Variants in AMER1 observed in about 807,000 individuals in gnomAD.
AMER1 encodes APC membrane recruitment protein 1.
A neutral mutation model predicts 53.0 loss-of-function variants in AMER1; 16 were observed. The ratio of observed to expected loss-of-function variants is 0.30; its 90% confidence interval spans 0.20 to 0.46. The LOEUF (loss-of-function observed/expected upper bound fraction) is 0.46, where lower values mean the gene tolerates loss of function less well. Among genes scored for constraint, AMER1 ranks in the 20% least tolerant of loss-of-function variants. The probability of loss-of-function intolerance (pLI) is 1.00; values close to 1 mark genes in which losing one functional copy is unlikely to be tolerated. For missense variants in AMER1, 947 were observed against 884.9 expected (o/e 1.07, Z -0.89); for synonymous variants, 354 against 331.9 (o/e 1.07, Z -0.73).
In AMER1 at chrX:64,185,933, C is replaced by G. The variant is rs1930096222; in HGVS notation, c.*3946G>C. The G allele has an allele frequency of 2.5e-6, 1 of 393,930 alleles. No homozygotes were observed. The highest frequency in any genetic ancestry group is 4.3e-6 in the Non-Finnish European group (1 of 233,143). The allele number at this position is 393,930 out of a possible 1,213,427, so 32.5% of individuals were successfully genotyped here. On this transcript the variant is annotated 3_prime_UTR_variant, in exon 2 of 2. Transcript: ENST00000374869. Reference sequence around the variant, plus strand: ...TTGGGTGGAGAATGTTCCCAAAATGCTCCTTTGGAGAAACTCAACAAGACA... The same window carrying G: ...TTGGGTGGAGAATGTTCCCAAAATGGTCCTTTGGAGAAACTCAACAAGACA...
chrX:64,197,671 C>T (rs1930402381), intron 1 of AMER1, among the ~76,000 whole-genome samples: 1 of 112,492 alleles, frequency 8.9e-6, no homozygotes, highest in Non-Finnish European at 1.9e-5. Flanking sequence ...CCACTTCAGG[C>T]CCACCTGCCC....
At chrX:64,197,005 ATGC>A (rs1236431619) in intron 1 of AMER1, among the ~76,000 whole-genome samples, 1 of 112,503 alleles carries the variant, frequency 8.9e-6, no homozygotes. Flanking sequence ...TCAATGGGTT[ATGC>A]TGCCTTTACT....
rs182397131 is a variant in AMER1 at position 64,204,757 on chromosome X, G to A, written c.-99+813C>T. Among the ~76,000 whole-genome samples the A allele has an allele frequency of 4.7e-3, 532 of 113,224 alleles. 2 individuals are homozygous for A. Among genetic ancestry groups the A allele is most frequent in the Non-Finnish European group, 8.1e-3 (433 of 53,341 alleles). On this transcript the variant is annotated intron_variant, in intron 1 of 1. Coordinates refer to ENST00000374869, the MANE Select transcript of AMER1 (RefSeq NM_152424.4). ...AAGGAGGTGAGGCGAGGCGAGGCGGGAGACAAAGCGGCCTTGCAGCTCTAA... is the reference window on the plus strand; with the variant it reads ...AAGGAGGTGAGGCGAGGCGAGGCGGAAGACAAAGCGGCCTTGCAGCTCTAA...
At position 64,191,883 on chromosome X, in the gene AMER1, A is replaced by G. The variant is rs962046185; in HGVS notation, c.1404T>C (p.Asp468=). ...SDQQESAPNS[D]EGYYDSTTPG... ...GTGTGGTGGAGTCATAATAACCTTC[A>G]TCACTATTGGGGGCGGATTCTTGCT... is the stretch of plus-strand genomic sequence containing the variant. Residue 468 remains aspartate (D), a synonymous_variant, in exon 2 of 2, where the codon GAT becomes GAC. Transcript: ENST00000374869. The G allele has an allele frequency of 1.7e-6, 2 of 1,211,378 alleles. No homozygotes were observed. Among genetic ancestry groups the G allele is most frequent in the East Asian group, 3.0e-5 (1 of 33,793 alleles).
At chrX:64,201,577 G>C (rs1165489415) in intron 1 of AMER1, among the ~76,000 whole-genome samples, 2 of 111,449 alleles carry the variant, frequency 1.8e-5, no homozygotes, top group Non-Finnish European at 3.8e-5. Flanking sequence ...GAGTGACACA[G>C]AAAGGCTATG....
At chrX:64,198,334 A>T (rs1232943552) in intron 1 of AMER1, among the ~76,000 whole-genome samples, 2 of 110,351 alleles carry the variant, frequency 1.8e-5, no homozygotes, top group African/African-American at 6.6e-5. Context: ...TTTATAAAGC[A>T]CTCCCTACTC....
In AMER1 at chrX:64,186,273, C is replaced by T; in HGVS notation, c.*3606G>A. ...GGCCCTAGGCAGTTGAGATGCCAGC[C>T]CTCTGCACAAGCAGCAGCAATTTTT... On this transcript the variant is annotated 3_prime_UTR_variant, in exon 2 of 2. Transcript: ENST00000374869. 6.5e-6 allele frequency: 7 copies of T among 1,081,214 alleles called. No individual in the cohort carries two copies. The highest frequency in any genetic ancestry group is 8.5e-6 in the Non-Finnish European group (7 of 825,296). The allele number at this position is 1,081,214 out of a possible 1,213,427, so 89.1% of individuals were successfully genotyped here. A position where few individuals can be genotyped will look rare whatever the true frequency, so the allele number is the denominator to read the frequency against.
chrX:64,202,280 G>A (rs1266556719), intron 1 of AMER1, among the ~76,000 whole-genome samples: 3 of 111,930 alleles, frequency 2.7e-5, no homozygotes, highest in Non-Finnish European at 5.6e-5. Flanking sequence ...GACATTAAAC[G>A]AGTGAGAGGC....
In AMER1 at chrX:64,186,150, T is replaced by C; in HGVS notation, c.*3729A>G. The C allele has an allele frequency of 8.3e-7, 1 of 1,210,069 alleles. No homozygotes were observed. The highest frequency in any genetic ancestry group is 1.1e-6 in the Non-Finnish European group (1 of 894,627). The stretch of plus-strand genomic sequence containing the variant: ...TCCCACACGCCTGAGTCACTTGGCG[T>C]TTGTCTTCAGTACCTGGGCATCTTC... On this transcript the variant is annotated 3_prime_UTR_variant, in exon 2 of 2. Transcript: ENST00000374869.
chrX:64,193,422 T>C (rs1359942044), intron 1 of AMER1, 38 bp from the exon 2 acceptor site: 4 of 966,086 alleles, frequency 4.1e-6, no homozygotes, highest in African/African-American at 3.8e-5. Context: ...GAGAGACAGA[T>C]ACTAGTGAGC....
chrX:64,191,689 G>C lies in AMER1; in HGVS notation c.1598C>G (p.Ser533Cys), dbSNP rs1930248231. 8.3e-7 allele frequency: 1 copy of C among 1,212,089 alleles called. No individual in the cohort carries two copies. Among genetic ancestry groups the C allele is most frequent in the Non-Finnish European group, 1.1e-6 (1 of 895,560 alleles). Reference protein sequence around the residue: ...DCLYDLHGRSSEMFDPFLNFE... With the variant: ...DCLYDLHGRSCEMFDPFLNFE... ...GTTTAAGAAGGGGTCAAACATCTCAGAGCTTCGACCATGGAGGTCATAAAG... is the reference window on the plus strand; with the variant it reads ...GTTTAAGAAGGGGTCAAACATCTCACAGCTTCGACCATGGAGGTCATAAAG... Residue 533 changes from serine (S) to cysteine (C), a missense_variant, in exon 2 of 2, where the codon TCT becomes TGT. Transcript: ENST00000374869.
chrX:64,193,775 G>C (rs758969417), intron 1 of AMER1, among the ~76,000 whole-genome samples: 2 of 112,080 alleles, frequency 1.8e-5, no homozygotes, highest in Non-Finnish European at 3.8e-5. Context: ...AAAGGCAAAA[G>C]GGATGTTGGC....
chrX:64,198,039 G>T (rs1930411579), intron 1 of AMER1, among the ~76,000 whole-genome samples: 1 of 112,095 alleles, frequency 8.9e-6, no homozygotes, highest in South Asian at 3.7e-4. Flanking sequence ...GCTCCCTAGG[G>T]CTCTGTGGGT....
At position 64,189,809 on chromosome X, in the gene AMER1, C is replaced by G; in HGVS notation, c.*70G>C. ...TAAACAACAACCCCCACCCCCCCAC[C>G]CTTCTGCCCAACCCCTGATCCCCAT... On this transcript the variant is annotated 3_prime_UTR_variant, in exon 2 of 2. Transcript: ENST00000374869. 10 of 989,873 alleles carry G rather than the reference C, an allele frequency of 1.0e-5. No individual in the cohort carries two copies. Among genetic ancestry groups the G allele is most frequent in the South Asian group, 3.1e-5 (1 of 32,156 alleles). The allele number at this position is 989,873 out of a possible 1,213,427, so 81.6% of individuals were successfully genotyped here. A position where few individuals can be genotyped will look rare whatever the true frequency, so the allele number is the denominator to read the frequency against.
At position 64,189,467 on chromosome X, in the gene AMER1, T is replaced by G; in HGVS notation, c.*412A>C. On this transcript the variant is annotated 3_prime_UTR_variant, in exon 2 of 2. Coordinates refer to ENST00000374869, the MANE Select transcript of AMER1 (RefSeq NM_152424.4). ...ATATATGTGTGTGCATGTGTGTTTG[T>G]GTGTGTGTGTGTATGTATGTGTGTG... 6 of 715,444 alleles carry G rather than the reference T, an allele frequency of 8.4e-6. No homozygotes were observed. Among genetic ancestry groups the G allele is most frequent in the Non-Finnish European group, 9.8e-6 (6 of 613,529 alleles). The allele number at this position is 715,444 out of a possible 1,213,427, so 59.0% of individuals were successfully genotyped here.
At position 64,192,124 on chromosome X, in the gene AMER1, A is replaced by ACCTCTTCTT. The variant is rs587778022; in HGVS notation, c.1154_1162dup (p.Glu385_Glu387dup). On this transcript the variant is annotated inframe_insertion, in exon 2 of 2. Transcript: ENST00000374869. ...CTCCTCTTCTTCCTCCTCTAATTCC[A>ACCTCTTCTT]CCTCTTCTTCCTCTTCTTCCTCCTC... The ACCTCTTCTT allele has an allele frequency of 6.6e-6, 8 of 1,204,949 alleles. No homozygotes were observed. In the East Asian group the frequency reaches 2.1e-4, roughly 31 times the overall value.
Position 64,193,225 on chromosome X carries a change from C to A in AMER1, c.62G>T (p.Arg21Leu), listed in dbSNP as rs374303948. 1 of 1,211,710 alleles carries A rather than the reference C, an allele frequency of 8.3e-7. No homozygotes were observed. Among genetic ancestry groups the A allele is most frequent in the South Asian group, 1.8e-5 (1 of 56,966 alleles). ...GGCTCCTTTTTCTGCTGTTTGTTCA[C>A]GGGTACTCCCAGAGGCTGCAGCTCC... is the stretch of plus-strand genomic sequence containing the variant. ...AKGAAASGST[R>L]EQTAEKGAKN... The change falls in exon 2 of 2, where the codon CGT becomes CTT. Residue 21 changes from arginine to leucine, a missense_variant. Coordinates refer to ENST00000374869, the MANE Select transcript of AMER1 (RefSeq NM_152424.4).
Position 64,192,644 on chromosome X carries a change from G to T in AMER1, c.643C>A (p.Pro215Thr). Reference sequence around the variant, plus strand: ...GCTTGGAAGGTCTCCTCAAAGCAGGGCACCTGAGGGGCTGAGCTCACGTGC... The same window carrying T: ...GCTTGGAAGGTCTCCTCAAAGCAGGTCACCTGAGGGGCTGAGCTCACGTGC... Reference protein sequence around the residue: ...HEHVSSAPQVPCFEETFQAPR... With the variant: ...HEHVSSAPQVTCFEETFQAPR... Residue 215 changes from proline (P) to threonine (T), a missense_variant, in exon 2 of 2, where the codon CCC (proline) becomes ACC (threonine). Pro to Thr is a conservative substitution (Grantham distance 38). Transcript: ENST00000374869. 1 of 1,167,296 alleles carries T rather than the reference G, an allele frequency of 8.6e-7. No individual in the cohort carries two copies. Among genetic ancestry groups the T allele is most frequent in the Non-Finnish European group, 1.1e-6 (1 of 876,766 alleles).
rs755281117 is a variant in AMER1 at position 64,190,675 on chromosome X, C to T, written c.2612G>A (p.Arg871Gln). The T allele has an allele frequency of 4.1e-5, 50 of 1,209,571 alleles. No individual in the cohort carries two copies. Among genetic ancestry groups the T allele is most frequent in the Non-Finnish European group, 5.5e-5 (49 of 895,050 alleles). The change falls in exon 2 of 2, where the codon CGA becomes CAA. Residue 871 changes from arginine (R) to glutamine (Q), a missense_variant. By Grantham distance (43) the Arg-to-Gln change is conservative. Coordinates refer to ENST00000374869, the MANE Select transcript of AMER1 (RefSeq NM_152424.4). ...GTGCAGGCCAGGCAGTCCCAAGTATCGAGGGAGGCTGCTCACACCCCAGGG... is the reference window on the plus strand; with the variant it reads ...GTGCAGGCCAGGCAGTCCCAAGTATTGAGGGAGGCTGCTCACACCCCAGGG... ...GLPWGVSSLP[R>Q]YLGLPGLHPR...
Sources: gnomAD v4.1 joint callset for allele counts (sites outside exome capture counted in the v4.1 genomes callset) on GRCh38, gnomAD v4.1.1 for gene constraint, MANE v1.5 for transcripts, NCBI Gene and HGNC (gene_info 2026-07-23, HGNC 2026-07-21) for gene names.